RFX6: variants seen among roughly 807,000 people sequenced by gnomAD.
RFX6 encodes the protein DNA-binding protein RFX6.
Under a neutral mutation model 110.8 loss-of-function variants are expected in RFX6, and 50 were observed. The ratio of observed to expected loss-of-function variants is 0.45; its 90% CI spans 0.36 to 0.57. The LOEUF (loss-of-function observed/expected upper bound fraction) is 0.57. Among genes scored for constraint, RFX6 ranks in the 20% least tolerant of loss-of-function variants. The pLI is 0.00. For synonymous variants in RFX6, 383 were observed against 411.2 expected, an observed-to-expected ratio of 0.93 and a Z score of 0.83; for missense variants, 990 against 1,127.0, an observed-to-expected ratio of 0.88 and a Z score of 1.74.
chr6:116,927,584 T>C (rs1775774466), intron 17 of RFX6, 45 bp downstream of exon 17: 1 of 1,543,434 alleles, frequency 6.5e-7, no homozygotes, highest in Non-Finnish European at 8.9e-7. Context: ...GAGATGGCAA[T>C]GAGGCAAAAT....
At chr6:116,899,748 C>T (rs1775025868) in intron 6 of RFX6, among the ~76,000 whole-genome samples, 1 of 152,090 alleles carries the variant, frequency 6.6e-6, no homozygotes, top group Admixed American at 6.5e-5. Flanking sequence ...ATGTCTACCC[C>T]ACTTCTGGAA....
At chr6:116,882,548 C>A in intron 4 of RFX6, 120 bp downstream of exon 4, 2 of 665,532 alleles carry the variant, frequency 3.0e-6, no homozygotes, top group South Asian at 1.7e-5. Flanking sequence ...ATGAAGCAGA[C>A]TTTTATCAAC....
chr6:116,913,141 C>T (rs1233106317), intron 7 of RFX6, among the ~76,000 whole-genome samples: 1 of 152,166 alleles, frequency 6.6e-6, no homozygotes, highest in East Asian at 1.9e-4. Flanking sequence ...TCTCGGCTCA[C>T]GGCAACCTTT....
At chr6:116,906,914 TA>T (rs2114684402) in intron 6 of RFX6, among the ~76,000 whole-genome samples, 1 of 151,590 alleles carries the variant, frequency 6.6e-6, no homozygotes, top group Admixed American at 6.6e-5. Context: ...CCATGTTGAG[TA>T]GAAGTGATGA....
chr6:116,884,517 T>G (rs1393471340), intron 4 of RFX6, among the ~76,000 whole-genome samples: 1 of 152,176 alleles, frequency 6.6e-6, no homozygotes, highest in East Asian at 1.9e-4. Flanking sequence ...ATTTCAAAGT[T>G]TGATCAGTTT....
rs774521456 is a variant in RFX6, at chr6:116,877,858, A to G, written c.286A>G (p.Lys96Glu). The G allele has an allele frequency of 1.9e-6, 3 of 1,614,064 alleles. No homozygotes were observed. The African/African-American group carries it at 4.0e-5, about 22-fold the overall frequency. The change falls in exon 2 of 19, where the codon AAA becomes GAA. Residue 96 changes from lysine to glutamate, a missense_variant. By Grantham distance (56) the Lys-to-Glu change is moderately conservative. This residue lies in a region of RFX6 where 175 missense variants were observed against 162.3 expected (regional missense o/e 1.08). Coordinates refer to ENST00000332958, the MANE Select transcript of RFX6 (RefSeq NM_173560.4). ...EEEDADNHDS[K>E]TKAADQYLSQ... ...AGAGGACGCCGACAACCACGACAGC[A>G]AAACCAAAGCAGCGGATCAATACCT...
In RFX6 at chr6:116,916,181, A is replaced by C. The variant is rs1166111870; in HGVS notation, c.859-20A>C. Reference sequence around the variant, plus strand: ...ATGTTAAAGAAAAAAATCTTAACATACTTTTTACTCTGCAACTAGATCCAG... The same window carrying C: ...ATGTTAAAGAAAAAAATCTTAACATCCTTTTTACTCTGCAACTAGATCCAG... On this transcript the variant is annotated intron_variant, in intron 8 of 18. Coordinates refer to ENST00000332958, the MANE Select transcript of RFX6 (RefSeq NM_173560.4). 1 of 1,593,714 alleles carries C rather than the reference A, an allele frequency of 6.3e-7. No individual in the cohort carries two copies. Among genetic ancestry groups the C allele is most frequent in the East Asian group, 2.2e-5 (1 of 44,688 alleles).
At chr6:116,912,737 A>AAAGG (rs1775380206) in intron 7 of RFX6, among the ~76,000 whole-genome samples, 1 of 152,166 alleles carries the variant, frequency 6.6e-6, no homozygotes, top group African/African-American at 2.4e-5. Flanking sequence ...AACAAAGAAG[A>AAAGG]AAGGAGAGGT....
chr6:116,923,280 A>G (rs964212099), intron 14 of RFX6, 56 bp downstream of exon 14: 26 of 861,888 alleles, frequency 3.0e-5, no homozygotes, highest in Middle Eastern at 2.2e-4. Flanking sequence ...TTTGTTCCTC[A>G]GTCACAGTTC....
intron 10 of RFX6, 137 bp downstream of exon 10, chr6:116,918,223 T>C (rs1775512930): frequency 1.4e-6 from 1 of 697,672 alleles, no homozygotes; most frequent in Non-Finnish European, 2.5e-6. Context: ...TTGTATTTGC[T>C]GGAAGAGATG....
intron 4 of RFX6, 104 bp downstream of exon 4, chr6:116,882,532 C>A: frequency 1.2e-6 from 1 of 807,718 alleles, no homozygotes; most frequent in Non-Finnish European, 2.1e-6. Context: ...ACCAGGTATT[C>A]TCTTGATGAA....
intron 6 of RFX6, among the ~76,000 whole-genome samples, chr6:116,900,334 A>C (rs1252040295): frequency 6.6e-6 from 1 of 151,902 alleles, no homozygotes; most frequent in Non-Finnish European, 1.5e-5. Context: ...GGCTCATTGC[A>C]ACCTGCGTCT....
At chr6:116,897,444 A>G (rs1313203633) in intron 6 of RFX6, among the ~76,000 whole-genome samples, 1 of 152,134 alleles carries the variant, frequency 6.6e-6, no homozygotes, top group Non-Finnish European at 1.5e-5. Flanking sequence ...GAGGTGTATC[A>G]TGTTGTAGAA....
chr6:116,918,511 G>A (rs1399126162), intron 10 of RFX6, among the ~76,000 whole-genome samples: 1 of 148,270 alleles, frequency 6.7e-6, no homozygotes, highest in East Asian at 2.0e-4. Flanking sequence ...TTTTAACAAA[G>A]GAATAAAATC....
intron 6 of RFX6, among the ~76,000 whole-genome samples, chr6:116,897,316 C>A (rs1321369): frequency 0.37 from 55,979 of 151,918 alleles, 11,381 homozygotes; most frequent in East Asian, 0.51. Context: ...AGTATCACAG[C>A]ATCTCTGGCC....
intron 6 of RFX6, among the ~76,000 whole-genome samples, chr6:116,905,751 C>T (rs1297188346): frequency 6.6e-6 from 1 of 151,898 alleles, no homozygotes; most frequent in East Asian, 1.9e-4. Flanking sequence ...AGAGTTTCAC[C>T]ATGTTGGCCA....
Position 116,923,145 on chromosome 6 carries a change from T to C in RFX6, c.1476T>C (p.Ala492=). 1 of 1,609,094 alleles carries C rather than the reference T, an allele frequency of 6.2e-7. No homozygotes were observed. The highest frequency in any genetic ancestry group is 8.5e-7 in the Non-Finnish European group (1 of 1,175,520). The change falls in exon 14 of 19, where the codon GCT becomes GCC. Residue 492 remains alanine, a synonymous_variant. Transcript: ENST00000332958. ...KQNGRSLKKR[A]QDFLLKWSFF... is the part of the protein sequence containing the mutation. ...ATGGAAGGTCATTAAAGAAGAGAGC[T>C]CAAGACTTTCTGTTAAAGTGGAGTT...
At position 116,927,079 on chromosome 6, in the gene RFX6, T is replaced by A; in HGVS notation, c.1938T>A (p.Ser646=). Residue 646 remains serine, a synonymous_variant, in exon 17 of 19, where the codon TCT becomes TCA. Coordinates refer to ENST00000332958, the MANE Select transcript of RFX6 (RefSeq NM_173560.4). ...GTCATCTGATGACACCACCCATTTC[T>A]CCAGCCATGGCAAGCCGAGGAAGTG... The part of the protein sequence containing the change: ...IAGHLMTPPI[S]PAMASRGSVI... The A allele has an allele frequency of 6.2e-7, 1 of 1,614,080 alleles. No homozygotes were observed. Among genetic ancestry groups the A allele is most frequent in the Non-Finnish European group, 8.5e-7 (1 of 1,179,936 alleles).
intron 18 of RFX6, 82 bp from the exon 19 acceptor site, chr6:116,931,249 C>A: frequency 2.0e-6 from 2 of 1,001,452 alleles, no homozygotes; most frequent in Non-Finnish European, 3.2e-6. Flanking sequence ...AAAATAAATA[C>A]AGGGTATTAA....
Sources: gnomAD v4.1 joint callset for allele counts (sites outside exome capture counted in the v4.1 genomes callset) on GRCh38, gnomAD v4.1.1 for gene constraint, gnomAD v4.1.1 regional missense constraint, MANE v1.5 for transcripts, NCBI Gene and HGNC (gene_info 2026-07-23, HGNC 2026-07-21) for gene names.